The following RSRC1 variants were observed in gnomAD, a reference collection of about 807,000 sequenced individuals.
RSRC1 encodes the protein serine/Arginine-related protein 53.
RSRC1 carries 39 observed loss-of-function variants against 49.1 expected under a neutral mutation model. The ratio of observed to expected loss-of-function variants is 0.79; its 90% confidence interval spans 0.61 to 1.04. RSRC1 has a LOEUF of 1.04. RSRC1 is among the 50% of genes least tolerant of loss of function. The probability of loss-of-function intolerance (pLI) is 0.00; values close to 1 mark genes in which losing one functional copy is unlikely to be tolerated. For missense variants in RSRC1, 388 were observed against 402.4 expected (o/e 0.96, Z 0.31); for synonymous variants, 143 against 130.8 (o/e 1.09, Z -0.63).
At chr3:158,317,194 G>C (rs1180069370) in intron 5 of RSRC1, among the ~76,000 whole-genome samples, 1 of 152,124 alleles carries the variant, frequency 6.6e-6, no homozygotes, top group Non-Finnish European at 1.5e-5. Context: ...TGAGTGGGGT[G>C]CTCATATGCT....
intron 6 of RSRC1, among the ~76,000 whole-genome samples, chr3:158,389,305 A>G (rs899896190): frequency 6.6e-6 from 1 of 152,186 alleles, no homozygotes; most frequent in South Asian, 2.1e-4. Context: ...TCTTTGTAAA[A>G]TAACTTAACT....
At chr3:158,146,217 G>A (rs936498780) in intron 3 of RSRC1, among the ~76,000 whole-genome samples, 1 of 152,196 alleles carries the variant, frequency 6.6e-6, no homozygotes, top group Non-Finnish European at 1.5e-5. Context: ...AGTTTTCAAA[G>A]GGAATGCTTC....
intron 3 of RSRC1, among the ~76,000 whole-genome samples, chr3:158,159,197 C>T (rs1388745690): frequency 6.6e-6 from 1 of 152,002 alleles, no homozygotes; most frequent in Non-Finnish European, 1.5e-5. Context: ...AGGAAGGATT[C>T]ATGTGGGGTA....
chr3:158,406,073 A>G (rs56328536), intron 6 of RSRC1, among the ~76,000 whole-genome samples: 13 of 152,180 alleles, frequency 8.5e-5, no homozygotes, highest in Non-Finnish European at 1.5e-4. Flanking sequence ...GCAAATTGTT[A>G]TCCCTAACCA....
At chr3:158,149,175 A>T (rs1717355494) in intron 3 of RSRC1, among the ~76,000 whole-genome samples, 1 of 152,098 alleles carries the variant, frequency 6.6e-6, no homozygotes, top group Admixed American at 6.5e-5. Context: ...TCTTTTCTTT[A>T]TAGTTTCTTT....
intron 4 of RSRC1, among the ~76,000 whole-genome samples, chr3:158,260,880 A>G (rs1284936433): frequency 1.3e-5 from 2 of 152,106 alleles, no homozygotes; most frequent in Non-Finnish European, 2.9e-5. Flanking sequence ...CAATCACTGT[A>G]CTTTCCCTCC....
chr3:158,363,027 T>C (rs1372165871), intron 6 of RSRC1, among the ~76,000 whole-genome samples: 1 of 152,160 alleles, frequency 6.6e-6, no homozygotes, highest in East Asian at 1.9e-4. Context: ...TTATAAAATC[T>C]CTGCATAACA....
intron 6 of RSRC1, among the ~76,000 whole-genome samples, chr3:158,457,287 ACTG>A (rs1737380079): frequency 6.6e-6 from 1 of 152,194 alleles, no homozygotes; most frequent in Admixed American, 6.5e-5. Flanking sequence ...ATCCAAAAGA[ACTG>A]CTGGTTCCGG....
intron 7 of RSRC1, 138 bp from the exon 8 acceptor site, chr3:158,536,954 A>C (rs1308942568): frequency 3.3e-6 from 2 of 609,222 alleles, no homozygotes; most frequent in South Asian, 2.0e-5. Context: ...ATCTCAGAAC[A>C]AAAGAGTTTC....
intron 6 of RSRC1, among the ~76,000 whole-genome samples, chr3:158,410,174 C>T (rs1347638123): frequency 6.6e-6 from 1 of 152,076 alleles, no homozygotes; most frequent in Admixed American, 6.6e-5. Flanking sequence ...TTTGTTGTTA[C>T]CTACTGGAAT....
chr3:158,506,291 G>A (rs1054604894), intron 7 of RSRC1, among the ~76,000 whole-genome samples: 18 of 152,088 alleles, frequency 1.2e-4, no homozygotes, highest in Non-Finnish European at 2.5e-4. Context: ...TTAAAAATCA[G>A]CTAAAAGGCC....
chr3:158,477,911 T>C (rs979852690), intron 7 of RSRC1, among the ~76,000 whole-genome samples: 15 of 149,416 alleles, frequency 1.0e-4, no homozygotes, highest in Admixed American at 7.4e-4. Flanking sequence ...TCCTGTTTTC[T>C]TTTTTTTAAC....
In RSRC1 at chr3:158,386,550, A is replaced by G. The variant is rs145001808; in HGVS notation, c.583+31642A>G. 3.3e-5 allele frequency among the ~76,000 whole-genome samples: 5 copies of G among 152,178 alleles called. No individual in the cohort carries two copies. The East Asian group carries it at 9.6e-4, about 29-fold the overall frequency. ...TGTAGTGAGATACCTGCTAGAGGCT[A>G]TATTATATGACCAACACACTATTAT... On this transcript the variant is annotated intron_variant, in intron 6 of 9. Coordinates refer to ENST00000611884, the MANE Select transcript of RSRC1 (RefSeq NM_001271838.2).
At chr3:158,393,813 G>C (rs1386696787) in intron 6 of RSRC1, among the ~76,000 whole-genome samples, 1 of 151,980 alleles carries the variant, frequency 6.6e-6, no homozygotes, top group Non-Finnish European at 1.5e-5. Flanking sequence ...TATGAGGCCA[G>C]CATCATCCTG....
intron 6 of RSRC1, among the ~76,000 whole-genome samples, chr3:158,392,438 G>A (rs1030714574): frequency 6.6e-6 from 1 of 151,970 alleles, no homozygotes; most frequent in African/African-American, 2.4e-5. Context: ...CATTATATGA[G>A]CTCCATATTC....
chr3:158,510,867 A>C (rs1740126337), intron 7 of RSRC1, among the ~76,000 whole-genome samples: 1 of 152,112 alleles, frequency 6.6e-6, no homozygotes, highest in Non-Finnish European at 1.5e-5. Context: ...TTCCATATGA[A>C]TCAGTTTTTC....
chr3:158,220,999 CAGGT>C (rs1286381284), intron 4 of RSRC1, among the ~76,000 whole-genome samples: 2 of 151,572 alleles, frequency 1.3e-5, no homozygotes, highest in African/African-American at 4.8e-5. Context: ...CCATATTTCA[CAGGT>C]AGGCAACCCA....
intron 4 of RSRC1, among the ~76,000 whole-genome samples, chr3:158,278,955 G>T (rs1340622576): frequency 6.6e-6 from 1 of 152,102 alleles, no homozygotes; most frequent in Non-Finnish European, 1.5e-5. Flanking sequence ...CAACATATAT[G>T]CTATTTTTCC....
intron 4 of RSRC1, among the ~76,000 whole-genome samples, chr3:158,206,134 T>G (rs1011817607): frequency 6.6e-6 from 1 of 152,200 alleles, no homozygotes; most frequent in Non-Finnish European, 1.5e-5. Context: ...ATGAGTGCAC[T>G]TACCGCTAAT....
Sources: allele counts gnomAD v4.1 joint callset (sites outside exome capture counted in the v4.1 genomes callset), GRCh38; gene constraint gnomAD v4.1.1; transcripts MANE v1.5; gene names NCBI Gene and HGNC (gene_info 2026-07-23, HGNC 2026-07-21).